Variants in ASPH observed in about 807,000 individuals in gnomAD.
The protein encoded by ASPH is aspartyl/asparaginyl beta-hydroxylase.
ASPH carries 100 observed loss-of-function variants against 118.4 expected under a neutral mutation model. That is an observed-to-expected ratio of 0.84 (90% CI 0.72 to 1.00). ASPH has a LOEUF of 1.00. Ranked by LOEUF, ASPH falls within the 50% of genes least tolerant of loss-of-function variation. The pLI is 0.00. For missense variants in ASPH, 920 were observed against 919.5 expected, an observed-to-expected ratio of 1.00 and a Z score of -0.01; for synonymous variants, 315 against 325.6, an observed-to-expected ratio of 0.97 and a Z score of 0.35.
chr8:61,614,645 TTTGTTG>T (rs565000530), intron 14 of ASPH, among the ~76,000 whole-genome samples: 31 of 151,776 alleles, frequency 2.0e-4, no homozygotes, highest in South Asian at 6.3e-4. Context: ...GTGTTGGGTT[TTTGTTG>T]TTGTTGTTGT....
intron 13 of ASPH, among the ~76,000 whole-genome samples, chr8:61,629,117 C>T (rs1404701885): frequency 6.6e-6 from 1 of 152,174 alleles, no homozygotes. Context: ...TGCTGGAATA[C>T]TCAGCAGTGG....
At chr8:61,699,267 C>T (rs1834679973) in intron 1 of ASPH, among the ~76,000 whole-genome samples, 1 of 152,232 alleles carries the variant, frequency 6.6e-6, no homozygotes, top group Admixed American at 6.5e-5. Flanking sequence ...TCTGACTTTT[C>T]CTACATACAG....
intron 6 of ASPH, among the ~76,000 whole-genome samples, chr8:61,645,680 T>A (rs1223236377): frequency 6.6e-6 from 1 of 152,154 alleles, no homozygotes; most frequent in Non-Finnish European, 1.5e-5. Flanking sequence ...TCACAGAAAA[T>A]TATGCATTAT....
chr8:61,614,856 T>C (rs1329984085), intron 14 of ASPH, among the ~76,000 whole-genome samples: 1 of 152,132 alleles, frequency 6.6e-6, no homozygotes, highest in Non-Finnish European at 1.5e-5. Flanking sequence ...TAACTTTATA[T>C]CCAAATATAT....
At chr8:61,679,712 T>A (rs1827017218) in intron 3 of ASPH, among the ~76,000 whole-genome samples, 2 of 151,852 alleles carry the variant, frequency 1.3e-5, no homozygotes, top group Non-Finnish European at 2.9e-5. Context: ...AATGAAGTAA[T>A]AAACCATTTA....
intron 11 of ASPH, 22 bp downstream of exon 11, chr8:61,638,300 T>C (rs780329705): frequency 1.9e-5 from 30 of 1,598,556 alleles, no homozygotes; most frequent in South Asian, 5.8e-5. Context: ...GCAGAAAATA[T>C]GTGCTTACAG....
At chr8:61,572,000 C>G (rs1462808779) in intron 16 of ASPH, among the ~76,000 whole-genome samples, 1 of 152,100 alleles carries the variant, frequency 6.6e-6, no homozygotes, top group East Asian at 1.9e-4. Context: ...TGGTCTGTAC[C>G]ATGGACAAGA....
chr8:61,579,038 A>C lies in ASPH; in HGVS notation c.1063-2180T>G, dbSNP rs28408834. 1,760 of 1,610,820 alleles carry C rather than the reference A, an allele frequency of 1.1e-3. 18 individuals carry two copies. In the African/African-American group the frequency reaches 0.02, roughly 18 times the overall value. On this transcript the variant is annotated intron_variant, in intron 15 of 24. Coordinates refer to ENST00000379454, the MANE Select transcript of ASPH (RefSeq NM_004318.4). ...CACAGTACGAGGATATTGCCAACCA[A>C]AGACGGGCTGAGGCTGAGAGCATGT...
intron 1 of ASPH, among the ~76,000 whole-genome samples, chr8:61,693,428 T>C (rs1373590571): frequency 2.0e-5 from 3 of 152,214 alleles, no homozygotes; most frequent in African/African-American, 7.2e-5. Context: ...AGTGAAAATA[T>C]GATTCTTTAA....
rs115699357 is a variant in ASPH at position 61,639,069 on chromosome 8, T to G, written c.791-706A>C. ...ACTATCTTTCAGACACTCTCAGTAT[T>G]GGGGTACAGCAGGGAACAATGTTTA... is the stretch of plus-strand genomic sequence containing the variant. On this transcript the variant is annotated intron_variant, in intron 10 of 24. Transcript: ENST00000379454. Among the ~76,000 whole-genome samples, 837 of 152,310 alleles carry G rather than the reference T, an allele frequency of 5.5e-3. 9 individuals are homozygous for G. Among genetic ancestry groups the G allele is most frequent in the African/African-American group, 0.019 (786 of 41,564 alleles).
intron 22 of ASPH, among the ~76,000 whole-genome samples, chr8:61,521,811 T>C (rs1424853223): frequency 6.6e-6 from 1 of 152,252 alleles, no homozygotes; most frequent in Non-Finnish European, 1.5e-5. Flanking sequence ...CACATGAATA[T>C]ACTTTGTGAG....
At chr8:61,527,691 G>A (rs1214222631) in intron 21 of ASPH, among the ~76,000 whole-genome samples, 1 of 152,170 alleles carries the variant, frequency 6.6e-6, no homozygotes, top group Non-Finnish European at 1.5e-5. Flanking sequence ...GGTGGCGGGG[G>A]GAAGGAGATG....
chr8:61,714,043 G>A (rs896699101), intron 1 of ASPH, among the ~76,000 whole-genome samples: 2 of 152,208 alleles, frequency 1.3e-5, no homozygotes, highest in Non-Finnish European at 2.9e-5. Flanking sequence ...GGGGCTCCCC[G>A]AGACTAGCAT....
chr8:61,714,259 G>A lies in ASPH; in HGVS notation c.103+10C>T. ...GAGGCCCCAGATCCCCGCCCCGCAG[G>A]GCCTCTGACCTCTCCGGGCCCCGGG... On this transcript the variant is annotated intron_variant, in intron 1 of 24. Coordinates refer to ENST00000379454, the MANE Select transcript of ASPH (RefSeq NM_004318.4). The A allele has an allele frequency of 2.0e-6, 3 of 1,489,214 alleles. No homozygotes were observed. The highest frequency in any genetic ancestry group is 2.2e-5 in the Admixed American group (1 of 44,538). 92.3% of individuals were successfully genotyped at this position (1,489,214 alleles called of 1,614,324 possible). A position where few individuals can be genotyped will look rare whatever the true frequency, so the allele number is the denominator to read the frequency against.
At chr8:61,688,510 C>T (rs1831451758) in intron 1 of ASPH, among the ~76,000 whole-genome samples, 1 of 152,116 alleles carries the variant, frequency 6.6e-6, no homozygotes, top group South Asian at 2.1e-4. Flanking sequence ...AGATGAACCC[C>T]AGCACTTGAA....
At chr8:61,656,906 C>A (rs1272949159) in intron 3 of ASPH, 2 of 152,120 alleles carry the variant, frequency 1.3e-5, no homozygotes, top group Non-Finnish European at 2.9e-5. Context: ...ATATTTCTTT[C>A]CATAAATATG....
intron 7 of ASPH, 111 bp from the exon 8 acceptor site, chr8:61,644,112 A>G: frequency 1.2e-6 from 1 of 837,460 alleles, no homozygotes; most frequent in South Asian, 1.6e-5. Flanking sequence ...AAATCAAGTC[A>G]TAATGATATT....
chr8:61,662,254 T>C (rs1422928747), intron 3 of ASPH, among the ~76,000 whole-genome samples: 1 of 152,216 alleles, frequency 6.6e-6, no homozygotes, highest in Non-Finnish European at 1.5e-5. Context: ...AATATGCCAA[T>C]AATGTCATTT....
chr8:61,574,925 C>G (rs1399995026), intron 16 of ASPH, among the ~76,000 whole-genome samples: 1 of 152,178 alleles, frequency 6.6e-6, no homozygotes, highest in Non-Finnish European at 1.5e-5. Flanking sequence ...ATAAAATCTG[C>G]AAGGTCACAG....
Sources: gnomAD v4.1 joint callset for allele counts (sites outside exome capture counted in the v4.1 genomes callset) on GRCh38, gnomAD v4.1.1 for gene constraint, MANE v1.5 for transcripts, NCBI Gene and HGNC (gene_info 2026-07-23, HGNC 2026-07-21) for gene names.